PTPRD: variants seen among roughly 807,000 people sequenced by gnomAD.
PTPRD encodes the protein receptor-type tyrosine-protein phosphatase delta.
Under a neutral mutation model 214.5 loss-of-function variants are expected in PTPRD, and 34 were observed. The ratio of observed to expected loss-of-function variants is 0.16; its 90% confidence interval spans 0.12 to 0.21. The LOEUF is 0.21. PTPRD is among the 10% of genes least tolerant of loss of function. The pLI is 1.00. For synonymous variants in PTPRD, 1,128 were observed against 845.7 expected, an observed-to-expected ratio of 1.33 and a Z score of -5.79; for missense variants, 2,545 against 2,398.7, an observed-to-expected ratio of 1.06 and a Z score of -1.27.
At chr9:10,282,833 T>C (rs568048980) in intron 3 of PTPRD, among the ~76,000 whole-genome samples, 13 of 152,176 alleles carry the variant, frequency 8.5e-5, no homozygotes, top group African/African-American at 3.1e-4. Flanking sequence ...AAGAATCCCA[T>C]TCTGTTTCCC....
chr9:10,167,455 G>A (rs891720143), intron 3 of PTPRD, among the ~76,000 whole-genome samples: 8 of 152,048 alleles, frequency 5.3e-5, no homozygotes, highest in African/African-American at 1.9e-4. Context: ...ACCCATATAT[G>A]TATTACAAAG....
At chr9:9,496,152 C>T (rs982919403) in intron 8 of PTPRD, among the ~76,000 whole-genome samples, 1 of 152,064 alleles carries the variant, frequency 6.6e-6, no homozygotes, top group Non-Finnish European at 1.5e-5. Flanking sequence ...TTTGATTTGA[C>T]AGTGTTTTCT....
At chr9:9,527,126 A>G (rs1164936034) in intron 8 of PTPRD, among the ~76,000 whole-genome samples, 1 of 152,158 alleles carries the variant, frequency 6.6e-6, no homozygotes, top group Non-Finnish European at 1.5e-5. Flanking sequence ...GAGTGTCTGT[A>G]TTGAACAAAT....
At chr9:9,269,302 TA>T (rs902142416) in intron 9 of PTPRD, among the ~76,000 whole-genome samples, 3 of 151,144 alleles carry the variant, frequency 2.0e-5, no homozygotes, top group Non-Finnish European at 4.4e-5. Flanking sequence ...AAAACCACAA[TA>T]AGATATCACC....
chr9:9,936,259 A>T (rs1465984442), intron 5 of PTPRD, among the ~76,000 whole-genome samples: 1 of 148,732 alleles, frequency 6.7e-6, no homozygotes, highest in Non-Finnish European at 1.5e-5. Flanking sequence ...GCTTCTGCAC[A>T]GCAAAAGAAA....
At chr9:8,485,063 A>G (rs901051218) in intron 29 of PTPRD, among the ~76,000 whole-genome samples, 164 bp downstream of exon 29, 15 of 152,210 alleles carry the variant, frequency 9.9e-5, no homozygotes, top group Non-Finnish European at 1.8e-4. Flanking sequence ...TAAAGGACAC[A>G]CTTACAAAGC....
rs571873012 is a variant in PTPRD, at chr9:9,324,662, G to A, written c.-203+72787C>T. Among the ~76,000 whole-genome samples, 89 of 152,246 alleles carry A rather than the reference G, an allele frequency of 5.8e-4. 1 individual carries two copies. The South Asian group carries it at 0.014, about 23-fold the overall frequency. On this transcript the variant is annotated intron_variant, in intron 9 of 45. Coordinates refer to ENST00000381196, the MANE Select transcript of PTPRD (RefSeq NM_002839.4). ...AGGTTGCCTGTTCACTCTGATGGTA[G>A]TTTCTTTTGCTGTGCAGAAGCTCTT...
At chr9:9,184,001 G>C (rs1216103018) in intron 9 of PTPRD, among the ~76,000 whole-genome samples, 1 of 152,008 alleles carries the variant, frequency 6.6e-6, no homozygotes, top group East Asian at 1.9e-4. Flanking sequence ...AAGATTTGAA[G>C]TCTACCTTAA....
chr9:10,410,362 T>C (rs2098422032), intron 2 of PTPRD, among the ~76,000 whole-genome samples: 1 of 149,894 alleles, frequency 6.7e-6, no homozygotes, highest in Non-Finnish European at 1.5e-5. Flanking sequence ...TGCATCTCTA[T>C]CTTAAGTCTT....
chr9:8,728,691 A>C (rs905623497), intron 12 of PTPRD, among the ~76,000 whole-genome samples: 3 of 152,216 alleles, frequency 2.0e-5, no homozygotes, highest in African/African-American at 7.2e-5. Flanking sequence ...CTTTAAAAAA[A>C]TGTTTTTGGC....
intron 5 of PTPRD, among the ~76,000 whole-genome samples, chr9:9,839,389 G>C (rs1033680195): frequency 6.6e-6 from 1 of 152,118 alleles, no homozygotes; most frequent in Non-Finnish European, 1.5e-5. Flanking sequence ...AAAATCACAA[G>C]CATTCTTACA....
intron 3 of PTPRD, among the ~76,000 whole-genome samples, chr9:10,286,240 G>A (rs147681589): frequency 6.3e-4 from 95 of 151,986 alleles, no homozygotes; most frequent in African/African-American, 2.0e-3. Flanking sequence ...AATATCTGAT[G>A]TCCCAGCCTG....
Position 9,960,066 on chromosome 9 carries a change from A to G in PTPRD, c.-471-21456T>C, listed in dbSNP as rs918762782. Among the ~76,000 whole-genome samples the G allele has an allele frequency of 6.6e-5, 10 of 152,294 alleles. No homozygotes were observed. The East Asian group carries it at 1.2e-3, about 18-fold the overall frequency. On this transcript the variant is annotated intron_variant, in intron 4 of 45. Transcript: ENST00000381196. ...GGTTTCTAATAACATTCTCTAATAA[A>G]AAGAAATTAGGGCTCCTTAAATAAA...
At chr9:10,194,205 G>A (rs1221275370) in intron 3 of PTPRD, among the ~76,000 whole-genome samples, 1 of 151,258 alleles carries the variant, frequency 6.6e-6, no homozygotes, top group Non-Finnish European at 1.5e-5. Context: ...TCTTTATTCT[G>A]GACTGTCCCT....
intron 2 of PTPRD, among the ~76,000 whole-genome samples, chr9:10,586,853 T>C (rs1408282862): frequency 6.6e-6 from 1 of 151,792 alleles, no homozygotes; most frequent in East Asian, 1.9e-4. Flanking sequence ...AGGATTGCTC[T>C]CATTTTGTAG....
chr9:10,545,579 G>A (rs1018393178), intron 2 of PTPRD, among the ~76,000 whole-genome samples: 1 of 151,994 alleles, frequency 6.6e-6, no homozygotes, highest in Admixed American at 6.6e-5. Flanking sequence ...TCCATTCAAA[G>A]CATACCATGT....
chr9:10,551,625 G>A (rs1183808872), intron 2 of PTPRD, among the ~76,000 whole-genome samples: 1 of 152,100 alleles, frequency 6.6e-6, no homozygotes, highest in African/African-American at 2.4e-5. Flanking sequence ...GAATCTGCCA[G>A]TACCTTGATT....
intron 9 of PTPRD, among the ~76,000 whole-genome samples, chr9:9,371,727 C>T (rs1363074332): frequency 6.6e-6 from 1 of 152,094 alleles, no homozygotes; most frequent in African/African-American, 2.4e-5. Context: ...TTAGATCTTT[C>T]CTGCTTTCTC....
Position 10,320,600 on chromosome 9 carries a change from T to C in PTPRD, c.-545+20363A>G, listed in dbSNP as rs1320354796. On this transcript the variant is annotated intron_variant, in intron 3 of 45. Coordinates refer to ENST00000381196, the MANE Select transcript of PTPRD (RefSeq NM_002839.4). ...TATAACCCAAAATATAACCCTGCAA[T>C]ATGAGAGGTCTCATATTTTAATGAC... 2.0e-5 allele frequency among the ~76,000 whole-genome samples: 3 copies of C among 152,048 alleles called. No homozygotes were observed. In the East Asian group the frequency reaches 5.8e-4, roughly 29 times the overall value.
Sources: allele counts gnomAD v4.1 joint callset (sites outside exome capture counted in the v4.1 genomes callset), GRCh38; gene constraint gnomAD v4.1.1; transcripts MANE v1.5; gene names NCBI Gene and HGNC (gene_info 2026-07-23, HGNC 2026-07-21).